The following KCNK10 variants were observed in gnomAD, a reference collection of about 807,000 sequenced individuals.
The protein encoded by KCNK10 is potassium two pore domain channel subfamily K member 10, also known as potassium channel subfamily K member 10.
In KCNK10, 25 loss-of-function variants were observed where a neutral mutation model predicts 47.7. The observed-to-expected ratio is 0.52, with a 90% CI of 0.38 to 0.73. KCNK10 has a LOEUF of 0.73. KCNK10 is among the 30% of genes least tolerant of loss of function. The pLI is 0.00. For missense variants in KCNK10, 563 were observed against 714.5 expected (o/e 0.79, Z 2.42); for synonymous variants, 303 against 285.6 (o/e 1.06, Z -0.61).
chr14:88,230,869 A>G lies in KCNK10; in HGVS notation c.521-3334T>C, dbSNP rs8014601. ...TGAGGCTAATAACAGTACCCACCTC[A>G]TGTGGTTATGCAGGATTAAATGAGA... On this transcript the variant is annotated intron_variant, in intron 3 of 6. Transcript: ENST00000319231. Among the ~76,000 whole-genome samples, 972 of 152,256 alleles carry G rather than the reference A, an allele frequency of 6.4e-3. 11 individuals are homozygous for G. Among genetic ancestry groups the G allele is most frequent in the African/African-American group, 0.022 (933 of 41,548 alleles).
At chr14:88,253,155 A>G (rs1465232272) in intron 2 of KCNK10, among the ~76,000 whole-genome samples, 1 of 152,178 alleles carries the variant, frequency 6.6e-6, no homozygotes, top group Non-Finnish European at 1.5e-5. Flanking sequence ...TAATATATGT[A>G]AACTCTCTAG....
intron 1 of KCNK10, among the ~76,000 whole-genome samples, chr14:88,283,295 AC>A (rs1409291515): frequency 6.6e-6 from 1 of 152,238 alleles, no homozygotes. Flanking sequence ...GAACTTTTAA[AC>A]AGTGGAATAA....
intron 3 of KCNK10, among the ~76,000 whole-genome samples, chr14:88,237,520 C>G (rs1052023406): frequency 1.3e-5 from 2 of 152,172 alleles, no homozygotes; most frequent in African/African-American, 4.8e-5. Context: ...GCAGCTACAG[C>G]CTTATGAAAT....
chr14:88,277,963 G>T (rs561980189), intron 1 of KCNK10, among the ~76,000 whole-genome samples: 2 of 152,270 alleles, frequency 1.3e-5, no homozygotes, highest in South Asian at 4.1e-4. Flanking sequence ...CAATCCCAGT[G>T]CACAGTGTAT....
chr14:88,275,546 G>C, intron 1 of KCNK10, among the ~76,000 whole-genome samples: 1 of 151,986 alleles, frequency 6.6e-6, no homozygotes, highest in South Asian at 2.1e-4. Flanking sequence ...TGAAGGAGTG[G>C]GTGATACAAA....
intron 2 of KCNK10, among the ~76,000 whole-genome samples, chr14:88,258,766 C>G (rs538775567): frequency 6.6e-5 from 10 of 152,280 alleles, no homozygotes; most frequent in African/African-American, 2.2e-4. Context: ...GATAGTGGCC[C>G]ATTACTCTCC....
In KCNK10 at chr14:88,322,767, T is replaced by G; in HGVS notation, c.32A>C (p.Gln11Pro). The G allele has an allele frequency of 6.2e-7, 1 of 1,614,152 alleles. No homozygotes were observed. The highest frequency in any genetic ancestry group is 8.5e-7 in the Non-Finnish European group (1 of 1,180,014). The change falls in exon 1 of 7, where the codon CAG (glutamine) becomes CCG (proline). Residue 11 changes from glutamine to proline, a missense_variant. Physicochemically the swap from Gln to Pro is moderately conservative, Grantham distance 76. Coordinates refer to ENST00000319231, the MANE Select transcript of KCNK10 (RefSeq NM_138317.3). This position sits in a 1 kb window ranked among gnomAD's most constrained non-coding sequence, Gnocchi z 4.8. MKFPIETPRK[Q>P]VNWDPKVAVP... ...CCCACCTTTAGGATCCCAGTTCACC[T>G]GTTTTCTTGGCGTCTCGATTGGAAA...
At chr14:88,225,302 TTG>T (rs1885947407) in intron 4 of KCNK10, among the ~76,000 whole-genome samples, 1 of 152,246 alleles carries the variant, frequency 6.6e-6, no homozygotes, top group Non-Finnish European at 1.5e-5. Flanking sequence ...AATGCATTCA[TTG>T]TGCACTGCCA....
intron 4 of KCNK10, among the ~76,000 whole-genome samples, chr14:88,199,166 C>T (rs111910684): frequency 1.8e-4 from 27 of 152,180 alleles, no homozygotes; most frequent in African/African-American, 5.3e-4. Flanking sequence ...GTGATCCACC[C>T]GCCTCGGTCT....
intron 1 of KCNK10, among the ~76,000 whole-genome samples, chr14:88,278,047 C>T (rs1259474631): frequency 6.6e-6 from 1 of 152,112 alleles, no homozygotes. Context: ...CTTCAGGCAT[C>T]GGAGGCACCA....
chr14:88,310,181 G>GATATACCATATGATATGGTATATT (rs1888288500), intron 1 of KCNK10, among the ~76,000 whole-genome samples: 1 of 45,252 alleles, frequency 2.2e-5, no homozygotes, highest in African/African-American at 5.5e-5. Flanking sequence ...TATGGTATAT[G>GATATACCATATGATATGGTATATT]ATATACCATA....
rs1243461790 is a variant in KCNK10 at position 88,247,189 on chromosome 14, T to A, written c.403-6369A>T. Among the ~76,000 whole-genome samples, 5 of 152,282 alleles carry A rather than the reference T, an allele frequency of 3.3e-5. No homozygotes were observed. In the East Asian group the frequency reaches 9.7e-4, roughly 29 times the overall value. On this transcript the variant is annotated intron_variant, in intron 2 of 6. Coordinates refer to ENST00000319231, the MANE Select transcript of KCNK10 (RefSeq NM_138317.3). The stretch of plus-strand genomic sequence containing the variant: ...TTTTTCTCTATCTCAGACGCACAGC[T>A]TCCCACATCTGGGAAGGGCAGGCTG...
intron 1 of KCNK10, among the ~76,000 whole-genome samples, chr14:88,310,229 G>GATATACCATATCATATGGTATATC (rs1566721523): frequency 3.0e-4 from 11 of 36,782 alleles, no homozygotes; most frequent in African/African-American, 5.8e-4. Flanking sequence ...TATGGTATAT[G>GATATACCATATCATATGGTATATC]ATATACCATA....
At chr14:88,189,069 T>A (rs887389928) in intron 5 of KCNK10, among the ~76,000 whole-genome samples, 1 of 152,102 alleles carries the variant, frequency 6.6e-6, no homozygotes, top group African/African-American at 2.4e-5. Context: ...TAGCAATGGA[T>A]TGGTAACTAT....
intron 2 of KCNK10, among the ~76,000 whole-genome samples, chr14:88,247,628 T>C (rs1309529849): frequency 6.6e-6 from 1 of 152,130 alleles, no homozygotes; most frequent in African/African-American, 2.4e-5. Context: ...ACAGGGCAAG[T>C]GGAGAATCTG....
In KCNK10 at chr14:88,262,264, A is replaced by C. The variant is rs934480424; in HGVS notation, c.402+938T>G. ...CCTTCCACCAAAACCCACTCTTTGT[A>C]GTTCAGGAGGGTGTCTGGGATAGAA... On this transcript the variant is annotated intron_variant, in intron 2 of 6. Transcript: ENST00000319231. Among the ~76,000 whole-genome samples, 34 of 152,202 alleles carry C rather than the reference A, an allele frequency of 2.2e-4. 1 individual carries two copies. The highest frequency in any genetic ancestry group is 4.7e-4 in the Non-Finnish European group (32 of 68,032).
intron 1 of KCNK10, among the ~76,000 whole-genome samples, chr14:88,315,744 C>G (rs1888418592): frequency 6.6e-6 from 1 of 152,114 alleles, no homozygotes; most frequent in Non-Finnish European, 1.5e-5. Context: ...TTTTCATTTT[C>G]TATTCAAGCA....
At chr14:88,215,652 T>G (rs1481290644) in intron 4 of KCNK10, among the ~76,000 whole-genome samples, 5 of 152,242 alleles carry the variant, frequency 3.3e-5, no homozygotes, top group Middle Eastern at 3.4e-3. Flanking sequence ...ACAAAGGTTC[T>G]GGCATGCAGA....
chr14:88,249,456 T>A (rs779580162), intron 2 of KCNK10, among the ~76,000 whole-genome samples: 28 of 152,236 alleles, frequency 1.8e-4, no homozygotes, highest in Non-Finnish European at 3.2e-4. Flanking sequence ...TGAATGAAGG[T>A]CCTCTTGGGG....
Sources: gnomAD v4.1 joint callset for allele counts (sites outside exome capture counted in the v4.1 genomes callset) on GRCh38, gnomAD v4.1.1 for gene constraint, Gnocchi (gnomAD v3.1) non-coding constraint, MANE v1.5 for transcripts, NCBI Gene and HGNC (gene_info 2026-07-23, HGNC 2026-07-21) for gene names.